The following RSPRY1 variants were observed in gnomAD, a reference collection of about 807,000 sequenced individuals.
RSPRY1 encodes RING finger and SPRY domain-containing protein 1.
A neutral mutation model predicts 73.1 loss-of-function variants in RSPRY1; 23 were observed. That is an observed-to-expected ratio of 0.31 (90% CI 0.23 to 0.45). RSPRY1 has a LOEUF of 0.45. Ranked by LOEUF, RSPRY1 falls within the 20% of genes least tolerant of loss-of-function variation. The probability of loss-of-function intolerance (pLI) is 1.00; values close to 1 mark genes in which losing one functional copy is unlikely to be tolerated. For missense variants in RSPRY1, 448 were observed against 698.7 expected, an observed-to-expected ratio of 0.64 and a Z score of 4.05; for synonymous variants, 226 against 251.4, an observed-to-expected ratio of 0.90 and a Z score of 0.95.
At chr16:57,225,199 T>A (rs2075102047) in intron 10 of RSPRY1, among the ~76,000 whole-genome samples, 1 of 152,224 alleles carries the variant, frequency 6.6e-6, no homozygotes. Context: ...TAACTGGGAT[T>A]ATAGGTGTGC....
intron 6 of RSPRY1, among the ~76,000 whole-genome samples, chr16:57,215,452 T>C (rs2074922242): frequency 1.3e-5 from 2 of 152,312 alleles, no homozygotes; most frequent in African/African-American, 4.8e-5. Context: ...CTGGAGCTCC[T>C]CTGGTGGCTC....
intron 10 of RSPRY1, 124 bp from the exon 11 acceptor site, chr16:57,227,218 C>A: frequency 4.5e-6 from 3 of 664,270 alleles, no homozygotes; most frequent in Non-Finnish European, 5.5e-6. Context: ...AAACCATGAG[C>A]TCTCTCATCA....
chr16:57,221,407 C>T lies in RSPRY1; in HGVS notation c.1153C>T (p.Leu385Phe). ...CTGGGCCACTCGAGACAGCAAATTCCTCAATCATGTGAGTACCCTAGAGAA... is the reference window on the plus strand; with the variant it reads ...CTGGGCCACTCGAGACAGCAAATTCTTCAATCATGTGAGTACCCTAGAGAA... ...IGWATRDSKF[L>F]NHEGYGIGDD... is the part of the protein sequence containing the mutation. Residue 385 changes from leucine (L) to phenylalanine (F), a missense_variant, in exon 10 of 15, where the codon CTC (leucine) becomes TTC (phenylalanine). Physicochemically the swap from Leu to Phe is conservative, Grantham distance 22. Coordinates refer to ENST00000394420, the MANE Select transcript of RSPRY1 (RefSeq NM_133368.3). 2.5e-6 allele frequency: 4 copies of T among 1,613,674 alleles called. No individual in the cohort carries two copies. Among genetic ancestry groups the T allele is most frequent in the Non-Finnish European group, 3.4e-6 (4 of 1,179,810 alleles).
chr16:57,217,094 C>T (rs752228227), intron 8 of RSPRY1, 59 bp downstream of exon 8: 7 of 1,584,644 alleles, frequency 4.4e-6, no homozygotes, highest in Non-Finnish European at 6.1e-6. Flanking sequence ...TCATTTCTTT[C>T]ATAGGCTCAC....
intron 10 of RSPRY1, among the ~76,000 whole-genome samples, chr16:57,222,161 G>GC (rs769373349): frequency 4.4e-4 from 67 of 151,718 alleles, no homozygotes; most frequent in Non-Finnish European, 4.6e-4. Flanking sequence ...CTAAATAATA[G>GC]CCCCCCCCTC....
chr16:57,208,400 A>ATATT lies in RSPRY1; in HGVS notation c.403+291_403+292insATTT, dbSNP rs1472775482. Among the ~76,000 whole-genome samples, 314 of 50,078 alleles carry ATATT rather than the reference A, an allele frequency of 6.3e-3. 2 individuals carry two copies. Among genetic ancestry groups the ATATT allele is most frequent in the Non-Finnish European group, 8.8e-3 (256 of 29,010 alleles). The allele number at this position is 50,078 out of a possible 152,430, so 32.9% of individuals were successfully genotyped here. A position where few individuals can be genotyped will look rare whatever the true frequency, so the allele number is the denominator to read the frequency against. ...TTTATATATATATATATATATATAT[A>ATATT]TTTTTTTTTTTTTTTGAGACAGAGT... On this transcript the variant is annotated intron_variant, in intron 3 of 14. Coordinates refer to ENST00000394420, the MANE Select transcript of RSPRY1 (RefSeq NM_133368.3).
chr16:57,200,390 C>T (rs2146209120), intron 1 of RSPRY1, among the ~76,000 whole-genome samples: 1 of 152,314 alleles, frequency 6.6e-6, no homozygotes, highest in South Asian at 2.1e-4. Flanking sequence ...CCGCCATTGT[C>T]ATCATAGCCC....
intron 1 of RSPRY1, among the ~76,000 whole-genome samples, chr16:57,199,134 T>C (rs1387025415): frequency 6.6e-6 from 1 of 152,216 alleles, no homozygotes; most frequent in African/African-American, 2.4e-5. Flanking sequence ...TATACTGATA[T>C]AGAAGGTTGT....
chr16:57,231,734 C>T (rs369768929), intron 13 of RSPRY1, among the ~76,000 whole-genome samples: 38 of 151,932 alleles, frequency 2.5e-4, no homozygotes, highest in African/African-American at 8.7e-4. Flanking sequence ...TGTCAAAATC[C>T]TAAATATTAG....
At chr16:57,234,024 G>A (rs1487549996) in intron 13 of RSPRY1, among the ~76,000 whole-genome samples, 1 of 152,066 alleles carries the variant, frequency 6.6e-6, no homozygotes, top group Non-Finnish European at 1.5e-5. Flanking sequence ...TTCACTGAAC[G>A]GAAAAGCCAA....
intron 3 of RSPRY1, among the ~76,000 whole-genome samples, 192 bp downstream of exon 3, chr16:57,208,302 C>CTTTTT (rs34138044): frequency 2.5e-5 from 2 of 79,200 alleles, no homozygotes; most frequent in African/African-American, 5.6e-5. Flanking sequence ...CATATTATAC[C>CTTTTT]TTTTTTTTTT....
At chr16:57,225,712 A>G (rs1373428596) in intron 10 of RSPRY1, among the ~76,000 whole-genome samples, 1 of 152,220 alleles carries the variant, frequency 6.6e-6, no homozygotes, top group East Asian at 1.9e-4. Flanking sequence ...AGCACTCAAA[A>G]TAATTTCTTA....
rs1197729654 is a variant in RSPRY1, at chr16:57,200,952, G to GT, written c.-155-3552_-155-3551insT. Among the ~76,000 whole-genome samples, 4 of 122,444 alleles carry GT rather than the reference G, an allele frequency of 3.3e-5. 1 individual carries two copies. The highest frequency in any genetic ancestry group is 6.9e-5 in the Non-Finnish European group (4 of 58,010). 80.3% of individuals were successfully genotyped at this position (122,444 alleles called of 152,430 possible). A position where few individuals can be genotyped will look rare whatever the true frequency, so the allele number is the denominator to read the frequency against. On this transcript the variant is annotated intron_variant, in intron 1 of 14. Coordinates refer to ENST00000394420, the MANE Select transcript of RSPRY1 (RefSeq NM_133368.3). ...TCCCAGACGGGGCGGCTGGCCGGGG[G>GT]GGGGGGGGGCTGACCCCCCCACCTC... is the stretch of plus-strand genomic sequence containing the variant.
intron 14 of RSPRY1, among the ~76,000 whole-genome samples, chr16:57,237,332 C>T (rs148608815): frequency 0.015 from 2,237 of 151,938 alleles, 59 homozygotes; most frequent in African/African-American, 0.051. Context: ...TTAGTAGAGA[C>T]GGGGTTTCAC....
chr16:57,209,082 A>C lies in RSPRY1; in HGVS notation c.411A>C (p.Gly137=). The change falls in exon 4 of 15, where the codon GGA becomes GGC. Residue 137 remains glycine (G), a synonymous_variant. Coordinates refer to ENST00000394420, the MANE Select transcript of RSPRY1 (RefSeq NM_133368.3). ...TLHEMAETDE[G]WLDVVQSLIR... ...TTCTTGATTTGCTCTTAGATGAAGG[A>C]TGGTTGGATGTTGTCCAGTCTTTAA... The C allele has an allele frequency of 6.2e-7, 1 of 1,606,062 alleles. No individual in the cohort carries two copies. The highest frequency in any genetic ancestry group is 1.1e-5 in the South Asian group (1 of 90,032).
At chr16:57,220,521 G>T (rs1389456335) in intron 8 of RSPRY1, 4 of 314,864 alleles carry the variant, frequency 1.3e-5, no homozygotes, top group Non-Finnish European at 2.4e-5. Flanking sequence ...TACTGAATTT[G>T]CTTTTTAGTT....
rs558258536 is a variant in RSPRY1, at chr16:57,209,611, G to A, written c.516+424G>A. On this transcript the variant is annotated intron_variant, in intron 4 of 14. Coordinates refer to ENST00000394420, the MANE Select transcript of RSPRY1 (RefSeq NM_133368.3). ...ACTCCTGACCTCAGGTGATCCACCT[G>A]CCTCGGCCTCCTCCCAAAGTGCTGG... is the stretch of plus-strand genomic sequence containing the variant. Among the ~76,000 whole-genome samples the A allele has an allele frequency of 3.3e-5, 5 of 152,050 alleles. No homozygotes were observed. The East Asian group carries it at 5.8e-4, about 18-fold the overall frequency.
At chr16:57,214,196 A>G (rs1347682372) in intron 6 of RSPRY1, among the ~76,000 whole-genome samples, 1 of 152,240 alleles carries the variant, frequency 6.6e-6, no homozygotes, top group Non-Finnish European at 1.5e-5. Flanking sequence ...GTCATAAGAT[A>G]GCTGCTATGA....
intron 1 of RSPRY1, among the ~76,000 whole-genome samples, chr16:57,204,190 C>T (rs78141999): frequency 0.038 from 5,699 of 151,838 alleles, 113 homozygotes; most frequent in Middle Eastern, 0.1. Flanking sequence ...AAAAAATGCA[C>T]ACATCCTTCT....
Sources: allele counts gnomAD v4.1 joint callset (sites outside exome capture counted in the v4.1 genomes callset), GRCh38; gene constraint gnomAD v4.1.1; transcripts MANE v1.5; gene names NCBI Gene and HGNC (gene_info 2026-07-23, HGNC 2026-07-21).